The following PRKAR2A variants were observed in gnomAD, a reference collection of about 807,000 sequenced individuals.
PRKAR2A encodes protein kinase cAMP-dependent type II regulatory subunit alpha.
PRKAR2A carries 29 observed loss-of-function variants against 51.9 expected under a neutral mutation model. The observed-to-expected ratio is 0.56, with a 90% CI of 0.42 to 0.76. PRKAR2A has a LOEUF of 0.76. Among genes scored for constraint, PRKAR2A ranks in the 30% least tolerant of loss-of-function variants. The pLI, the probability that PRKAR2A is intolerant of heterozygous loss-of-function variation, is 0.00. For synonymous variants in PRKAR2A, 178 were observed against 186.2 expected (o/e 0.96, Z 0.36); for missense variants, 445 against 512.1 (o/e 0.87, Z 1.26).
At chr3:48,783,612 A>G (rs988668439) in intron 4 of PRKAR2A, among the ~76,000 whole-genome samples, 1 of 152,006 alleles carries the variant, frequency 6.6e-6, no homozygotes, top group African/African-American at 2.4e-5. Flanking sequence ...ACGGAGTCTC[A>G]CTCTGTCACA....
chr3:48,838,854 G>T (rs1209006133), intron 1 of PRKAR2A, among the ~76,000 whole-genome samples: 1 of 151,874 alleles, frequency 6.6e-6, no homozygotes, highest in African/African-American at 2.4e-5. Context: ...CATGGTGGTG[G>T]GCGCCTGTAG....
chr3:48,847,706 C>T lies in PRKAR2A; in HGVS notation c.-110G>A, dbSNP rs2083493232. ...GCCCGCGAGGTCTCTTCGCGCACGGCCCCGGCTCACGTCGCGCCGCTCTTT... is the reference window on the plus strand; with the variant it reads ...GCCCGCGAGGTCTCTTCGCGCACGGTCCCGGCTCACGTCGCGCCGCTCTTT... On this transcript the variant is annotated 5_prime_UTR_variant, in exon 1 of 11. Coordinates refer to ENST00000265563, the MANE Select transcript of PRKAR2A (RefSeq NM_004157.4). This position sits in a 1 kb window ranked among gnomAD's most constrained non-coding sequence, Gnocchi z 4.4. The T allele has an allele frequency of 9.2e-6, 10 of 1,090,898 alleles. No individual in the cohort carries two copies. Among genetic ancestry groups the T allele is most frequent in the Non-Finnish European group, 1.2e-5 (10 of 822,472 alleles). The allele number at this position is 1,090,898 out of a possible 1,614,324, so 67.6% of individuals were successfully genotyped here. A position where few individuals can be genotyped will look rare whatever the true frequency, so the allele number is the denominator to read the frequency against.
chr3:48,822,721 G>GTT (rs1305042358), intron 1 of PRKAR2A, among the ~76,000 whole-genome samples: 27 of 147,598 alleles, frequency 1.8e-4, no homozygotes, highest in African/African-American at 6.7e-4. Context: ...GCCCCAGGAT[G>GTT]TTGTTTTTTT....
At chr3:48,807,518 C>T in intron 2 of PRKAR2A, 131 bp downstream of exon 2, 1 of 704,684 alleles carries the variant, frequency 1.4e-6, no homozygotes, top group Non-Finnish European at 2.4e-6. Context: ...ATAAAGAAAC[C>T]ATAGGTAATT....
intron 2 of PRKAR2A, among the ~76,000 whole-genome samples, chr3:48,798,904 G>A (rs1276305857): frequency 6.6e-6 from 1 of 152,002 alleles, no homozygotes; most frequent in Admixed American, 6.6e-5. Flanking sequence ...CAAGTGATCT[G>A]CCCACCTCGG....
At chr3:48,831,413 C>A (rs2083186042) in intron 1 of PRKAR2A, among the ~76,000 whole-genome samples, 1 of 135,370 alleles carries the variant, frequency 7.4e-6, no homozygotes, top group African/African-American at 2.8e-5. Flanking sequence ...CTTATCCAGG[C>A]TAGAGTGCAA....
At chr3:48,760,696 A>G (rs930771449) in intron 8 of PRKAR2A, among the ~76,000 whole-genome samples, 1 of 150,844 alleles carries the variant, frequency 6.6e-6, no homozygotes, top group African/African-American at 2.4e-5. Context: ...TTAGCTGGGC[A>G]TGGTGGTGCA....
At chr3:48,756,620 A>G (rs1446053079) in intron 8 of PRKAR2A, among the ~76,000 whole-genome samples, 176 bp from the exon 9 acceptor site, 1 of 151,690 alleles carries the variant, frequency 6.6e-6, no homozygotes, top group Non-Finnish European at 1.5e-5. Context: ...AGGAAAAGGA[A>G]AAAAAAAAGA....
chr3:48,784,625 CAT>C (rs980164269), intron 4 of PRKAR2A, among the ~76,000 whole-genome samples: 4 of 152,164 alleles, frequency 2.6e-5, no homozygotes, highest in Non-Finnish European at 4.4e-5. Flanking sequence ...TCTTCAAACA[CAT>C]GTGTCATGAG....
At chr3:48,817,081 CA>C (rs1396542875) in intron 1 of PRKAR2A, among the ~76,000 whole-genome samples, 1 of 152,042 alleles carries the variant, frequency 6.6e-6, no homozygotes. Flanking sequence ...GTAATCCCAG[CA>C]CTTTGGAAGG....
At chr3:48,811,933 AAGT>A (rs1272557387) in intron 1 of PRKAR2A, among the ~76,000 whole-genome samples, 2 of 152,142 alleles carry the variant, frequency 1.3e-5, no homozygotes, top group East Asian at 1.9e-4. Flanking sequence ...GAAAAACACA[AAGT>A]AGATGAGCGG....
At chr3:48,824,598 AAAG>A (rs1220255833) in intron 1 of PRKAR2A, among the ~76,000 whole-genome samples, 2 of 137,418 alleles carry the variant, frequency 1.5e-5, no homozygotes. Context: ...AGAAAGAAAG[AAAG>A]AAAGAACCCT....
intron 1 of PRKAR2A, among the ~76,000 whole-genome samples, chr3:48,838,359 C>A (rs1469801828): frequency 3.9e-5 from 6 of 152,078 alleles, no homozygotes; most frequent in African/African-American, 1.4e-4. Context: ...GTAATCCCAG[C>A]ACTTTGGGAG....
chr3:48,762,640 A>G (rs2081880143), intron 8 of PRKAR2A, among the ~76,000 whole-genome samples: 1 of 152,094 alleles, frequency 6.6e-6, no homozygotes, highest in African/African-American at 2.4e-5. Flanking sequence ...ATCTCATTAA[A>G]AAGAAAAAGT....
chr3:48,831,365 C>CT (rs539375236), intron 1 of PRKAR2A, among the ~76,000 whole-genome samples: 80,617 of 126,372 alleles, frequency 0.64, 26,498 homozygotes, highest in East Asian at 0.95. Flanking sequence ...TCCAAAATAT[C>CT]TTTTTTTTTT....
chr3:48,762,487 T>C (rs1165474556), intron 8 of PRKAR2A, among the ~76,000 whole-genome samples: 1 of 152,084 alleles, frequency 6.6e-6, no homozygotes, highest in Non-Finnish European at 1.5e-5. Context: ...TGCACAAAAT[T>C]AGCTGGGCAG....
chr3:48,833,835 AG>A lies in PRKAR2A; in HGVS notation c.262+13499del, dbSNP rs565463226. Among the ~76,000 whole-genome samples, 37 of 152,096 alleles carry A rather than the reference AG, an allele frequency of 2.4e-4. No homozygotes were observed. In the East Asian group the frequency reaches 5.0e-3, roughly 21 times the overall value. On this transcript the variant is annotated intron_variant, in intron 1 of 10. Coordinates refer to ENST00000265563, the MANE Select transcript of PRKAR2A (RefSeq NM_004157.4). Reference sequence around the variant, plus strand: ...TGGATCACCTGAGGTCAGGAGACCAAGACCACCCTGGCCAACATGGTGAAAC... The same window carrying A: ...TGGATCACCTGAGGTCAGGAGACCAAACCACCCTGGCCAACATGGTGAAAC...
At chr3:48,791,548 C>T (rs1403787102) in intron 3 of PRKAR2A, among the ~76,000 whole-genome samples, 2 of 127,244 alleles carry the variant, frequency 1.6e-5, no homozygotes, top group Non-Finnish European at 3.1e-5. Flanking sequence ...GAGCCAAGAT[C>T]GTACCACTGC....
intron 1 of PRKAR2A, among the ~76,000 whole-genome samples, chr3:48,820,496 C>T (rs367618609): frequency 6.6e-6 from 1 of 152,046 alleles, no homozygotes; most frequent in East Asian, 1.9e-4. Flanking sequence ...TGTGAACACT[C>T]GATTCATATG....
Sources: allele counts gnomAD v4.1 joint callset (sites outside exome capture counted in the v4.1 genomes callset), GRCh38; gene constraint gnomAD v4.1.1; non-coding constraint Gnocchi (gnomAD v3.1); transcripts MANE v1.5; gene names NCBI Gene and HGNC (gene_info 2026-07-23, HGNC 2026-07-21).